The following PPP3CC variants were observed in gnomAD, a reference collection of about 807,000 sequenced individuals.
PPP3CC encodes serine/threonine-protein phosphatase 2B catalytic subunit gamma isoform.
Under a neutral mutation model 60.3 loss-of-function variants are expected in PPP3CC, and 35 were observed. The ratio of observed to expected loss-of-function variants is 0.58; its 90% confidence interval spans 0.44 to 0.77. The LOEUF (loss-of-function observed/expected upper bound fraction) is 0.77, where lower values mean the gene tolerates loss of function less well. Ranked by LOEUF, PPP3CC falls within the 30% of genes least tolerant of loss-of-function variation. The pLI is 0.00. For synonymous variants in PPP3CC, 206 were observed against 224.3 expected, an observed-to-expected ratio of 0.92 and a Z score of 0.73; for missense variants, 570 against 628.9, an observed-to-expected ratio of 0.91 and a Z score of 1.00.
At chr8:22,444,528 ATG>A (rs1836768169) in intron 1 of PPP3CC, among the ~76,000 whole-genome samples, 1 of 152,208 alleles carries the variant, frequency 6.6e-6, no homozygotes, top group Non-Finnish European at 1.5e-5. Context: ...CATAATGGAT[ATG>A]TGGGTGAAAT....
chr8:22,529,582 C>G (rs1463328668), intron 10 of PPP3CC, among the ~76,000 whole-genome samples: 4 of 152,148 alleles, frequency 2.6e-5, no homozygotes, highest in Non-Finnish European at 5.9e-5. Flanking sequence ...CTCCCGAGTT[C>G]AAGCGATTCT....
intron 10 of PPP3CC, among the ~76,000 whole-genome samples, chr8:22,530,086 T>A (rs1276758400): frequency 2.0e-5 from 3 of 152,124 alleles, no homozygotes; most frequent in Non-Finnish European, 4.4e-5. Context: ...TACCATACAC[T>A]CTCATGCTTC....
At chr8:22,448,212 A>T (rs1836892146) in intron 1 of PPP3CC, among the ~76,000 whole-genome samples, 1 of 152,188 alleles carries the variant, frequency 6.6e-6, no homozygotes, top group Non-Finnish European at 1.5e-5. Flanking sequence ...GAAACGAAAC[A>T]AAAAGGGCAG....
intron 1 of PPP3CC, among the ~76,000 whole-genome samples, chr8:22,462,015 G>T (rs781218990): frequency 3.3e-5 from 5 of 152,146 alleles, no homozygotes; most frequent in Admixed American, 1.3e-4. Flanking sequence ...TGGGAGGATC[G>T]CATGAGGCCA....
intron 6 of PPP3CC, among the ~76,000 whole-genome samples, chr8:22,519,907 C>T (rs531242329): frequency 1.6e-4 from 23 of 142,428 alleles, no homozygotes; most frequent in African/African-American, 5.9e-4. Flanking sequence ...CTGCCTTCCT[C>T]AGCTTCCCAG....
chr8:22,497,155 G>A (rs373864620), intron 3 of PPP3CC, among the ~76,000 whole-genome samples: 75 of 152,166 alleles, frequency 4.9e-4, no homozygotes, highest in African/African-American at 1.7e-3. Flanking sequence ...TCAGCCTCCC[G>A]AGTAGCTGGG....
In PPP3CC at chr8:22,448,298, A is replaced by G. The variant is rs577112929; in HGVS notation, c.49+6840A>G. On this transcript the variant is annotated intron_variant, in intron 1 of 13. Transcript: ENST00000240139. ...AGTGTCAAGCCTGGATTAAGAAAAC[A>G]AAAAACCATAGAGGACATTTTGGGG... 3.9e-5 allele frequency among the ~76,000 whole-genome samples: 6 copies of G among 152,352 alleles called. No homozygotes were observed. In the East Asian group the frequency reaches 1.2e-3, roughly 29 times the overall value.
At chr8:22,465,204 G>A (rs923059472) in intron 1 of PPP3CC, among the ~76,000 whole-genome samples, 1 of 152,014 alleles carries the variant, frequency 6.6e-6, no homozygotes, top group East Asian at 1.9e-4. Context: ...CAAGCATTCT[G>A]CCTGGCTCAG....
At chr8:22,449,669 A>C (rs1475092827) in intron 1 of PPP3CC, among the ~76,000 whole-genome samples, 3 of 151,998 alleles carry the variant, frequency 2.0e-5, no homozygotes, top group African/African-American at 7.2e-5. Flanking sequence ...TTAGAAAAAC[A>C]TACAGAAGTC....
At chr8:22,447,080 T>G (rs1351272683) in intron 1 of PPP3CC, among the ~76,000 whole-genome samples, 1 of 151,868 alleles carries the variant, frequency 6.6e-6, no homozygotes, top group African/African-American at 2.4e-5. Flanking sequence ...CGATCATGGC[T>G]CGCTGCAGCT....
At position 22,492,821 on chromosome 8, in the gene PPP3CC, G is replaced by A. The variant is rs538249796; in HGVS notation, c.373-5180G>A. 1.2e-4 allele frequency: 119 copies of A among 993,628 alleles called. No homozygotes were observed. In the South Asian group the frequency reaches 1.5e-3, roughly 12 times the overall value. 61.6% of individuals were successfully genotyped at this position (993,628 alleles called of 1,614,324 possible). ...AGAGGTGAATATGTTTACAAACCAA[G>A]GAACAGTGATCCACTTTAACAGCAG... is the stretch of plus-strand genomic sequence containing the variant. On this transcript the variant is annotated intron_variant, in intron 3 of 13. Transcript: ENST00000240139.
At chr8:22,478,895 T>A (rs1387815417) in intron 3 of PPP3CC, among the ~76,000 whole-genome samples, 1 of 152,226 alleles carries the variant, frequency 6.6e-6, no homozygotes, top group African/African-American at 2.4e-5. Flanking sequence ...TAGTTTGTAT[T>A]TAGCTTTATT....
intron 1 of PPP3CC, among the ~76,000 whole-genome samples, chr8:22,451,806 C>T (rs750144955): frequency 6.6e-6 from 1 of 152,188 alleles, no homozygotes; most frequent in Non-Finnish European, 1.5e-5. Context: ...AAATTATCTT[C>T]ACATTCTGTG....
chr8:22,464,976 CTTTT>C (rs59235298), intron 1 of PPP3CC, among the ~76,000 whole-genome samples: 2 of 135,240 alleles, frequency 1.5e-5, no homozygotes, highest in African/African-American at 2.7e-5. Context: ...TAGACTCTCC[CTTTT>C]TTTTTTTTTT....
chr8:22,471,421 C>G (rs1837717872), intron 1 of PPP3CC, among the ~76,000 whole-genome samples: 1 of 151,784 alleles, frequency 6.6e-6, no homozygotes, highest in Admixed American at 6.6e-5. Flanking sequence ...GTGAGAACAC[C>G]ATGGAATGTA....
chr8:22,532,775 A>T (rs28764005), intron 11 of PPP3CC, 146 bp from the exon 12 acceptor site: 9,863 of 541,544 alleles, frequency 0.018, 133 homozygotes, highest in Non-Finnish European at 0.027. Flanking sequence ...TGTGGAAAAC[A>T]TCCCTTTCTT....
At chr8:22,493,179 A>T (rs1838459308) in intron 3 of PPP3CC, 6 of 1,217,290 alleles carry the variant, frequency 4.9e-6, no homozygotes, top group East Asian at 4.7e-5. Context: ...TTATATTATG[A>T]CTGCTTTTTA....
chr8:22,477,932 C>T (rs553078576), intron 3 of PPP3CC, among the ~76,000 whole-genome samples: 23 of 152,334 alleles, frequency 1.5e-4, no homozygotes, highest in African/African-American at 5.3e-4. Flanking sequence ...CCCACCGCAA[C>T]GTCCGCCTCC....
At chr8:22,463,555 A>G (rs1339150413) in intron 1 of PPP3CC, among the ~76,000 whole-genome samples, 1 of 152,282 alleles carries the variant, frequency 6.6e-6, no homozygotes, top group African/African-American at 2.4e-5. Context: ...AATGGAAGGG[A>G]GTGGAATCTT....
Sources: allele counts gnomAD v4.1 joint callset (sites outside exome capture counted in the v4.1 genomes callset), GRCh38; gene constraint gnomAD v4.1.1; transcripts MANE v1.5; gene names NCBI Gene and HGNC (gene_info 2026-07-23, HGNC 2026-07-21).